INVS: variants seen among roughly 807,000 people sequenced by gnomAD.
INVS encodes the protein inversion of embryo turning homolog.
INVS carries 86 observed loss-of-function variants against 108.8 expected under a neutral mutation model. The ratio of observed to expected loss-of-function variants is 0.79; its 90% confidence interval spans 0.66 to 0.95. The LOEUF (loss-of-function observed/expected upper bound fraction) is 0.95, where lower values mean the gene tolerates loss of function less well. Among genes scored for constraint, INVS ranks in the 40% least tolerant of loss-of-function variants. The pLI is 0.00. For missense variants in INVS, 1,169 were observed against 1,297.4 expected (o/e 0.90, Z 1.52); for synonymous variants, 455 against 473.5 (o/e 0.96, Z 0.51).
intron 3 of INVS, among the ~76,000 whole-genome samples, chr9:100,180,424 C>A (rs539363103): frequency 6.6e-6 from 1 of 151,038 alleles, no homozygotes; most frequent in Non-Finnish European, 1.5e-5. Flanking sequence ...AAAATAGACA[C>A]AATAAAAAAT....
intron 3 of INVS, among the ~76,000 whole-genome samples, chr9:100,180,846 A>G (rs1029746184): frequency 6.6e-6 from 1 of 152,192 alleles, no homozygotes; most frequent in Non-Finnish European, 1.5e-5. Context: ...TTTCAGGCCA[A>G]TATCCCTGAT....
At chr9:100,250,081 G>A (rs1444874337) in intron 8 of INVS, among the ~76,000 whole-genome samples, 1 of 152,082 alleles carries the variant, frequency 6.6e-6, no homozygotes, top group Admixed American at 6.5e-5. Flanking sequence ...CTCCAGCCTG[G>A]ATGACAGAGT....
At chr9:100,114,246 T>G (rs1347642041) in intron 2 of INVS, among the ~76,000 whole-genome samples, 4 of 152,170 alleles carry the variant, frequency 2.6e-5, no homozygotes, top group Admixed American at 2.6e-4. Flanking sequence ...AACTGTGTCC[T>G]TTTATAGCCA....
chr9:100,115,881 A>C (rs1171063514), intron 2 of INVS, among the ~76,000 whole-genome samples: 1 of 152,164 alleles, frequency 6.6e-6, no homozygotes, highest in East Asian at 1.9e-4. Flanking sequence ...ACTGTCTTCC[A>C]CAATGGTTGA....
chr9:100,136,868 C>T (rs1468201980), intron 3 of INVS, among the ~76,000 whole-genome samples: 1 of 152,002 alleles, frequency 6.6e-6, no homozygotes, highest in Non-Finnish European at 1.5e-5. Context: ...GGTGAAACCC[C>T]ATCTCTAATA....
At chr9:100,236,061 A>G (rs1188839951) in intron 5 of INVS, among the ~76,000 whole-genome samples, 4 of 151,986 alleles carry the variant, frequency 2.6e-5, no homozygotes, top group African/African-American at 2.4e-5. Flanking sequence ...ATTCCTTTTC[A>G]TTATTTTTTC....
At chr9:100,112,641 T>G (rs994813524) in intron 2 of INVS, among the ~76,000 whole-genome samples, 1 of 142,592 alleles carries the variant, frequency 7.0e-6, no homozygotes, top group African/African-American at 2.6e-5. Context: ...TAAAATACAC[T>G]AACACTAACA....
chr9:100,232,110 T>G (rs1467800372), intron 5 of INVS, among the ~76,000 whole-genome samples: 1 of 152,234 alleles, frequency 6.6e-6, no homozygotes, highest in Non-Finnish European at 1.5e-5. Flanking sequence ...TGACCAGTGA[T>G]GATGAGCTTT....
In INVS at chr9:100,301,250, T is replaced by C. The variant is rs941327083; in HGVS notation, c.*576T>C. On this transcript the variant is annotated 3_prime_UTR_variant, in exon 17 of 17. Coordinates refer to ENST00000262457, the MANE Select transcript of INVS (RefSeq NM_014425.5). ...AGATCAGAATCATTGCCCACTGTTT[T>C]CATTTAGAAATTGTCCAAAAGACCA... Among the ~76,000 whole-genome samples the C allele has an allele frequency of 2.6e-5, 4 of 152,060 alleles. No individual in the cohort carries two copies. Among genetic ancestry groups the C allele is most frequent in the Non-Finnish European group, 5.9e-5 (4 of 68,018 alleles).
intron 3 of INVS, among the ~76,000 whole-genome samples, chr9:100,187,671 T>A (rs1236359097): frequency 6.6e-6 from 1 of 151,828 alleles, no homozygotes; most frequent in East Asian, 1.9e-4. Context: ...GGATTACAGA[T>A]GTGTGCCACC....
chr9:100,118,372 C>T (rs1030289791), intron 2 of INVS, among the ~76,000 whole-genome samples: 2 of 151,726 alleles, frequency 1.3e-5, no homozygotes, highest in Middle Eastern at 3.4e-3. Context: ...CCACACCTTG[C>T]TAATTTTTGT....
chr9:100,166,532 A>AG (rs963767102), intron 3 of INVS, among the ~76,000 whole-genome samples: 13 of 152,294 alleles, frequency 8.5e-5, no homozygotes, highest in Admixed American at 7.8e-4. Context: ...AAGAAAAAAA[A>AG]GAAGCCACAG....
At chr9:100,151,960 C>A (rs527758104) in intron 3 of INVS, among the ~76,000 whole-genome samples, 2 of 152,156 alleles carry the variant, frequency 1.3e-5, no homozygotes, top group Non-Finnish European at 2.9e-5. Context: ...TCTAAATCTG[C>A]TTTATACTTA....
intron 5 of INVS, among the ~76,000 whole-genome samples, chr9:100,239,606 T>C (rs904827146): frequency 7.2e-5 from 11 of 152,232 alleles, no homozygotes; most frequent in Middle Eastern, 3.2e-3. Context: ...ATTTAGACTT[T>C]GTACCTTTTC....
intron 15 of INVS, 138 bp downstream of exon 15, chr9:100,297,284 A>G: frequency 3.9e-6 from 3 of 766,484 alleles, no homozygotes; most frequent in South Asian, 3.0e-5. Flanking sequence ...TGTATTATTA[A>G]AAATGGTCAA....
At chr9:100,237,242 C>T (rs1378148768) in intron 5 of INVS, among the ~76,000 whole-genome samples, 1 of 152,196 alleles carries the variant, frequency 6.6e-6, no homozygotes, top group Non-Finnish European at 1.5e-5. Context: ...TGACTTCAGA[C>T]TGCTGTGCTG....
At chr9:100,249,398 C>T (rs1430257826) in intron 8 of INVS, among the ~76,000 whole-genome samples, 1 of 151,768 alleles carries the variant, frequency 6.6e-6, no homozygotes, top group African/African-American at 2.4e-5. Flanking sequence ...ATATCAATGT[C>T]AAATTTTTTT....
At chr9:100,209,983 A>G (rs1588090666) in intron 3 of INVS, among the ~76,000 whole-genome samples, 1 of 152,126 alleles carries the variant, frequency 6.6e-6, no homozygotes, top group East Asian at 1.9e-4. Flanking sequence ...CTCCACACAC[A>G]ATGCCGTCGC....
rs1354462818 is a variant in INVS at position 100,127,211 on chromosome 9, A to ATTAAT, written c.273+677_273+681dup. ...ACCCTGTCTCTAAATTAATTAATTAATTAATTTAATTTAATTTAAAAGGTT... is the reference window on the plus strand; with the variant it reads ...ACCCTGTCTCTAAATTAATTAATTAATTAATTTAATTTAATTTAATTTAAAAGGTT... On this transcript the variant is annotated intron_variant, in intron 3 of 16. Transcript: ENST00000262457. Among the ~76,000 whole-genome samples the ATTAAT allele has an allele frequency of 3.3e-5, 5 of 152,188 alleles. 1 individual carries two copies. In the South Asian group the frequency reaches 6.2e-4, roughly 19 times the overall value.
Sources: gnomAD v4.1 joint callset for allele counts (sites outside exome capture counted in the v4.1 genomes callset) on GRCh38, gnomAD v4.1.1 for gene constraint, MANE v1.5 for transcripts, NCBI Gene and HGNC (gene_info 2026-07-23, HGNC 2026-07-21) for gene names.